Variants in ZNF385B observed in about 807,000 individuals in gnomAD.
The protein encoded by ZNF385B is zinc finger protein 385B.
Under a neutral mutation model 39.2 loss-of-function variants are expected in ZNF385B, and 23 were observed. The observed-to-expected ratio is 0.59, with a 90% CI of 0.42 to 0.83. The LOEUF is 0.83. Among genes scored for constraint, ZNF385B ranks in the 40% least tolerant of loss-of-function variants. The pLI is 0.00. For synonymous variants in ZNF385B, 205 were observed against 222.6 expected (o/e 0.92, Z 0.70); for missense variants, 552 against 598.9 (o/e 0.92, Z 0.82).
At chr2:179,783,647 C>T (rs1468502961) in intron 1 of ZNF385B, among the ~76,000 whole-genome samples, 1 of 151,690 alleles carries the variant, frequency 6.6e-6, no homozygotes, top group African/African-American at 2.4e-5. Context: ...AGAAAAACAA[C>T]TCCATTAAAA....
At chr2:179,641,435 A>C (rs1254506097) in intron 3 of ZNF385B, among the ~76,000 whole-genome samples, 1 of 152,094 alleles carries the variant, frequency 6.6e-6, no homozygotes, top group Non-Finnish European at 1.5e-5. Flanking sequence ...TTACAGTTTC[A>C]TTTCCCAGAC....
At chr2:179,474,026 A>G (rs560177000) in intron 6 of ZNF385B, among the ~76,000 whole-genome samples, 2 of 152,262 alleles carry the variant, frequency 1.3e-5, no homozygotes, top group African/African-American at 4.8e-5. Flanking sequence ...CTACTATGCT[A>G]TGGATGTAAA....
At chr2:179,766,030 T>TCTCACACACACA (rs1553527783) in intron 3 of ZNF385B, among the ~76,000 whole-genome samples, 36 of 140,926 alleles carry the variant, frequency 2.6e-4, no homozygotes, top group East Asian at 2.0e-3. Flanking sequence ...GGTACATTGA[T>TCTCACACACACA]CACACACACA....
At chr2:179,816,824 C>T (rs1362190805) in intron 1 of ZNF385B, among the ~76,000 whole-genome samples, 1 of 151,922 alleles carries the variant, frequency 6.6e-6, no homozygotes, top group Admixed American at 6.6e-5. Flanking sequence ...ACTCTAATTG[C>T]CATTCTCTCA....
chr2:179,444,852 G>A lies in ZNF385B; in HGVS notation c.1242+24C>T, dbSNP rs138370654. The A allele has an allele frequency of 3.1e-4, 497 of 1,595,124 alleles. 4 individuals are homozygous for A. The East Asian group carries it at 0.01, about 33-fold the overall frequency. ...CCCAGCAAGGCTGCCCCACAAAACA[G>A]GTGAGCAGGTGAGGTAAACTTACTG... On this transcript the variant is annotated intron_variant, in intron 9 of 9. Coordinates refer to ENST00000410066, the MANE Select transcript of ZNF385B (RefSeq NM_152520.6).
At chr2:179,763,649 G>A (rs1703525426) in intron 3 of ZNF385B, among the ~76,000 whole-genome samples, 1 of 152,142 alleles carries the variant, frequency 6.6e-6, no homozygotes, top group Non-Finnish European at 1.5e-5. Flanking sequence ...TAAATTTCCA[G>A]CTCAGCACTG....
chr2:179,686,005 T>C (rs909548940), intron 3 of ZNF385B, among the ~76,000 whole-genome samples: 1 of 152,230 alleles, frequency 6.6e-6, no homozygotes, highest in Non-Finnish European at 1.5e-5. Flanking sequence ...ACCTCCTCTC[T>C]ATTTTCCCTT....
At chr2:179,819,058 C>G (rs1707246202) in intron 1 of ZNF385B, among the ~76,000 whole-genome samples, 1 of 151,802 alleles carries the variant, frequency 6.6e-6, no homozygotes, top group Admixed American at 6.6e-5. Flanking sequence ...CACACACACA[C>G]ACACACACAC....
chr2:179,490,802 T>C (rs1430616845), intron 5 of ZNF385B, among the ~76,000 whole-genome samples: 1 of 152,170 alleles, frequency 6.6e-6, no homozygotes, highest in Non-Finnish European at 1.5e-5. Flanking sequence ...ACTGATGCTA[T>C]ATGTTACTAG....
At chr2:179,661,860 AT>A (rs1015903287) in intron 3 of ZNF385B, among the ~76,000 whole-genome samples, 2 of 152,178 alleles carry the variant, frequency 1.3e-5, no homozygotes, top group African/African-American at 4.8e-5. Flanking sequence ...GAGTGATATC[AT>A]TTTTGAATCA....
At chr2:179,769,467 C>A (rs777407600) in intron 3 of ZNF385B, 36 bp downstream of exon 3, 24 of 1,609,190 alleles carry the variant, frequency 1.5e-5, no homozygotes, top group Admixed American at 1.7e-5. Flanking sequence ...ACCATCTCTC[C>A]CCGCAGCACA....
intron 3 of ZNF385B, among the ~76,000 whole-genome samples, chr2:179,745,139 C>A (rs1442739165): frequency 6.6e-6 from 1 of 152,128 alleles, no homozygotes; most frequent in Non-Finnish European, 1.5e-5. Flanking sequence ...ATTCGGCACA[C>A]AGTCGTTAGA....
At chr2:179,629,292 C>G (rs191923169) in intron 3 of ZNF385B, among the ~76,000 whole-genome samples, 372 of 152,304 alleles carry the variant, frequency 2.4e-3, no homozygotes, top group Non-Finnish European at 4.5e-3. Context: ...TGTCAGCCAG[C>G]ATCTGAAATT....
chr2:179,785,369 A>T (rs1186651661), intron 1 of ZNF385B, among the ~76,000 whole-genome samples: 1 of 152,152 alleles, frequency 6.6e-6, no homozygotes, highest in East Asian at 1.9e-4. Flanking sequence ...TAAAATTTTT[A>T]AAATCTATAT....
At chr2:179,702,957 GC>G (rs1699321747) in intron 3 of ZNF385B, among the ~76,000 whole-genome samples, 1 of 152,174 alleles carries the variant, frequency 6.6e-6, no homozygotes, top group Non-Finnish European at 1.5e-5. Context: ...CACTCTCACT[GC>G]CACCATCTTG....
intron 1 of ZNF385B, among the ~76,000 whole-genome samples, chr2:179,826,817 G>T (rs1213334633): frequency 6.6e-6 from 1 of 152,044 alleles, no homozygotes; most frequent in Non-Finnish European, 1.5e-5. Flanking sequence ...CAATAAGAAA[G>T]GTAAATTTGA....
At chr2:179,483,544 A>G in intron 5 of ZNF385B, 110 bp from the exon 6 acceptor site, 1 of 1,406,590 alleles carries the variant, frequency 7.1e-7, no homozygotes, top group Non-Finnish European at 9.8e-7. Context: ...GACATTTACA[A>G]CTCAGTACCT....
intron 6 of ZNF385B, among the ~76,000 whole-genome samples, chr2:179,477,526 T>G (rs112715570): frequency 3.3e-5 from 5 of 152,308 alleles, no homozygotes; most frequent in African/African-American, 1.2e-4. Context: ...ACTATCTCCC[T>G]GCCCTCAGTG....
At chr2:179,695,459 A>G (rs1698667638) in intron 3 of ZNF385B, among the ~76,000 whole-genome samples, 1 of 152,154 alleles carries the variant, frequency 6.6e-6, no homozygotes, top group African/African-American at 2.4e-5. Flanking sequence ...ACTTGTTTCT[A>G]GAATATATAA....
Sources: gnomAD v4.1 joint callset for allele counts (sites outside exome capture counted in the v4.1 genomes callset) on GRCh38, gnomAD v4.1.1 for gene constraint, MANE v1.5 for transcripts, NCBI Gene and HGNC (gene_info 2026-07-23, HGNC 2026-07-21) for gene names.